COA1: variants seen among roughly 807,000 people sequenced by gnomAD.
COA1 encodes cytochrome c oxidase assembly factor 1.
Under a neutral mutation model 16.0 loss-of-function variants are expected in COA1, and 13 were observed. The ratio of observed to expected loss-of-function variants is 0.81; its 90% CI spans 0.53 to 1.29. The LOEUF (loss-of-function observed/expected upper bound fraction) is 1.29, where lower values mean the gene tolerates loss of function less well. Ranked by LOEUF, COA1 falls within the 50% of genes most tolerant of loss-of-function variation. COA1 has a pLI of 0.00. For missense variants in COA1, 179 were observed against 177.0 expected, an observed-to-expected ratio of 1.01 and a Z score of -0.06; for synonymous variants, 65 against 65.7, an observed-to-expected ratio of 0.99 and a Z score of 0.05.
intron 6 of COA1, among the ~76,000 whole-genome samples, chr7:43,612,068 T>G (rs1244707498): frequency 6.6e-6 from 1 of 152,230 alleles, no homozygotes; most frequent in East Asian, 1.9e-4. Context: ...GTATATTCAG[T>G]ATCAATCATA....
downstream of COA1, among the ~76,000 whole-genome samples, chr7:43,637,014 T>G (rs370797536): frequency 3.2e-3 from 487 of 152,338 alleles, 4 homozygotes; most frequent in African/African-American, 0.011. Flanking sequence ...GGGCTTCTGA[T>G]TTCTGGAGCA....
chr7:43,709,963 C>T (rs10250412), intron 1 of COA1, among the ~76,000 whole-genome samples: 22,174 of 152,018 alleles, frequency 0.15, 2,184 homozygotes, highest in Non-Finnish European at 0.21. Context: ...TAACATCCTG[C>T]AAGGCTAAAC....
intron 1 of COA1, among the ~76,000 whole-genome samples, chr7:43,667,452 C>T (rs919735797): frequency 1.2e-4 from 19 of 152,108 alleles, no homozygotes; most frequent in Admixed American, 1.0e-3. Flanking sequence ...AAAATTCTAA[C>T]GTCTAAGTAT....
At chr7:43,712,162 G>T (rs950375316) in intron 1 of COA1, among the ~76,000 whole-genome samples, 11 of 152,014 alleles carry the variant, frequency 7.2e-5, no homozygotes, top group African/African-American at 2.7e-4. Context: ...GCCCAGGCTG[G>T]AGTACAATGG....
At chr7:43,616,963 ATTG>A (rs1169516935) in intron 6 of COA1, among the ~76,000 whole-genome samples, 1 of 152,214 alleles carries the variant, frequency 6.6e-6, no homozygotes, top group Admixed American at 6.5e-5. Context: ...ATCTATGGAA[ATTG>A]TTGTAATCTG....
chr7:43,659,503 T>G (rs943468482), intron 1 of COA1, among the ~76,000 whole-genome samples: 7 of 152,232 alleles, frequency 4.6e-5, no homozygotes, highest in African/African-American at 7.2e-5. Context: ...CTTCATGGAA[T>G]GGACTCTGAT....
chr7:43,657,969 G>A (rs1230821012), intron 1 of COA1, among the ~76,000 whole-genome samples: 1 of 152,032 alleles, frequency 6.6e-6, no homozygotes, highest in African/African-American at 2.4e-5. Flanking sequence ...AGGTTGCAGT[G>A]AGCCAAGATC....
chr7:43,707,725 T>TA (rs1023721221), intron 1 of COA1, among the ~76,000 whole-genome samples: 76 of 152,326 alleles, frequency 5.0e-4, no homozygotes, highest in Middle Eastern at 3.4e-3. Flanking sequence ...TACAGTACAG[T>TA]AGTCCACGTT....
chr7:43,719,438 C>T (rs1210531985), intron 1 of COA1, among the ~76,000 whole-genome samples: 1 of 152,138 alleles, frequency 6.6e-6, no homozygotes, highest in Non-Finnish European at 1.5e-5. Context: ...GGCTGTCATA[C>T]AGAAAAATCA....
At chr7:43,647,817 C>T (rs2089830381) in intron 2 of COA1, 183 bp from the exon 3 acceptor site, 9 of 595,916 alleles carry the variant, frequency 1.5e-5, no homozygotes, top group Non-Finnish European at 2.7e-5. Context: ...TGAGTGCCCT[C>T]CTGAGGGTGC....
intron 6 of COA1, chr7:43,626,902 CCTTCAGAATATA>C (rs1455853545): frequency 1.3e-5 from 2 of 151,900 alleles, no homozygotes; most frequent in Admixed American, 1.3e-4. Flanking sequence ...TTTAAGAGGC[CCTTCAGAATATA>C]CTTGTAAAGG....
At chr7:43,616,221 C>T (rs2083328559) in intron 6 of COA1, among the ~76,000 whole-genome samples, 1 of 152,186 alleles carries the variant, frequency 6.6e-6, no homozygotes, top group African/African-American at 2.4e-5. Context: ...CGCCTGAGCA[C>T]TTTGTATATA....
intron 1 of COA1, among the ~76,000 whole-genome samples, chr7:43,694,575 T>C (rs1175220457): frequency 1.3e-5 from 2 of 152,168 alleles, no homozygotes; most frequent in African/African-American, 4.8e-5. Flanking sequence ...GCATCTATAC[T>C]AGGTTTCCAA....
chr7:43,657,957 G>A (rs1005562972), intron 1 of COA1, among the ~76,000 whole-genome samples: 15 of 152,046 alleles, frequency 9.9e-5, no homozygotes, highest in African/African-American at 2.9e-4. Flanking sequence ...AACGAGAGGC[G>A]GAGGTTGCAG....
intron 4 of COA1, 55 bp downstream of exon 4, chr7:43,645,196 A>C (rs895921905): frequency 1.3e-6 from 2 of 1,568,674 alleles, no homozygotes; most frequent in Admixed American, 1.7e-5. Context: ...GAGACAGTAG[A>C]CTCTCCTCTC....
chr7:43,700,527 C>CAT (rs371169314), intron 1 of COA1, among the ~76,000 whole-genome samples: 56 of 139,196 alleles, frequency 4.0e-4, no homozygotes, highest in African/African-American at 1.3e-3. Context: ...AAAATGTAGG[C>CAT]AGATATATAT....
At chr7:43,617,474 C>G (rs2152999133) in intron 6 of COA1, among the ~76,000 whole-genome samples, 1 of 152,266 alleles carries the variant, frequency 6.6e-6, no homozygotes, top group East Asian at 1.9e-4. Context: ...GACATGTTAG[C>G]TAAATGGAAG....
At chr7:43,677,147 G>A (rs2093563043) in intron 1 of COA1, among the ~76,000 whole-genome samples, 3 of 152,116 alleles carry the variant, frequency 2.0e-5, no homozygotes, top group South Asian at 2.1e-4. Flanking sequence ...GATTTCTCAT[G>A]TTGAATATTA....
intron 1 of COA1, among the ~76,000 whole-genome samples, chr7:43,709,865 G>T (rs1275174626): frequency 6.6e-6 from 1 of 152,088 alleles, no homozygotes; most frequent in African/African-American, 2.4e-5. Flanking sequence ...CCTAGAAGGG[G>T]TACCTAACTT....
Sources: allele counts gnomAD v4.1 joint callset (sites outside exome capture counted in the v4.1 genomes callset), GRCh38; gene constraint gnomAD v4.1.1; transcripts MANE v1.5; gene names NCBI Gene and HGNC (gene_info 2026-07-23, HGNC 2026-07-21).